Variants in NSMCE1 observed in about 807,000 individuals in gnomAD.
NSMCE1 encodes non-structural maintenance of chromosomes element 1 homolog.
NSMCE1 carries 18 observed loss-of-function variants against 29.6 expected under a neutral mutation model. That is an observed-to-expected ratio of 0.61 (90% confidence interval 0.42 to 0.90). The LOEUF (loss-of-function observed/expected upper bound fraction) is 0.90, where lower values mean the gene tolerates loss of function less well. Among genes scored for constraint, NSMCE1 ranks in the 40% least tolerant of loss-of-function variants. The pLI is 0.00. For synonymous variants in NSMCE1, 124 were observed against 133.4 expected (o/e 0.93, Z 0.49); for missense variants, 314 against 343.6 (o/e 0.91, Z 0.68).
chr16:27,239,986 TCATCATGACAATAACAGTA>T (rs2083874124), intron 2 of NSMCE1, among the ~76,000 whole-genome samples: 1 of 152,212 alleles, frequency 6.6e-6, no homozygotes, highest in South Asian at 2.1e-4. Context: ...ATGGTTCATT[TCATCATGACAATAACAGTA>T]ACTCCGTAAG....
intron 2 of NSMCE1, among the ~76,000 whole-genome samples, chr16:27,240,109 G>C (rs995018468): frequency 2.0e-5 from 3 of 152,092 alleles, no homozygotes; most frequent in African/African-American, 7.2e-5. Context: ...ATGGAGCCCG[G>C]GCTTGCCCAA....
chr16:27,243,505 G>T (rs1322384859), intron 2 of NSMCE1, among the ~76,000 whole-genome samples: 3 of 152,080 alleles, frequency 2.0e-5, no homozygotes, highest in Non-Finnish European at 4.4e-5. Context: ...ACATCAACCT[G>T]CCCAGAAAGC....
At position 27,234,937 on chromosome 16, in the gene NSMCE1, A is replaced by G. The variant is rs533610642; in HGVS notation, c.258+241T>C. Among the ~76,000 whole-genome samples, 286 of 152,344 alleles carry G rather than the reference A, an allele frequency of 1.9e-3. 1 individual carries two copies. Among genetic ancestry groups the G allele is most frequent in the African/African-American group, 5.8e-3 (240 of 41,578 alleles). On this transcript the variant is annotated intron_variant, in intron 3 of 7. Coordinates refer to ENST00000361439, the MANE Select transcript of NSMCE1 (RefSeq NM_145080.4). ...TGAGAGTAAATCTGAAAACCACTGA[A>G]GGCCCCACCCACATGGCCTGCAATC... is the stretch of plus-strand genomic sequence containing the variant.
At chr16:27,252,673 C>T (rs1348934639) in intron 2 of NSMCE1, among the ~76,000 whole-genome samples, 1 of 152,156 alleles carries the variant, frequency 6.6e-6, no homozygotes, top group Admixed American at 6.5e-5. Context: ...AATCCCAGCA[C>T]TTGGGGAGGC....
chr16:27,264,838 G>A (rs1469027233), intron 1 of NSMCE1, among the ~76,000 whole-genome samples: 3 of 152,110 alleles, frequency 2.0e-5, no homozygotes, highest in Non-Finnish European at 4.4e-5. Context: ...GGGGTTAGGG[G>A]ATACAAACTG....
chr16:27,266,051 T>C (rs1387476246), intron 1 of NSMCE1, among the ~76,000 whole-genome samples: 1 of 152,156 alleles, frequency 6.6e-6, no homozygotes, highest in Non-Finnish European at 1.5e-5. Flanking sequence ...TTCCACACAA[T>C]TGTATAGGTA....
At chr16:27,225,577 C>T in intron 7 of NSMCE1, 149 bp downstream of exon 7, 1 of 897,008 alleles carries the variant, frequency 1.1e-6, no homozygotes, top group Non-Finnish European at 1.7e-6. Context: ...TTACTTCCTG[C>T]AGTGGCTTCT....
At chr16:27,244,322 A>G (rs2083928367) in intron 2 of NSMCE1, among the ~76,000 whole-genome samples, 1 of 152,206 alleles carries the variant, frequency 6.6e-6, no homozygotes, top group Admixed American at 6.5e-5. Context: ...AGTCGCTCTG[A>G]CAGGCGCACG....
At chr16:27,236,021 C>T (rs1338261690) in intron 2 of NSMCE1, among the ~76,000 whole-genome samples, 1 of 152,190 alleles carries the variant, frequency 6.6e-6, no homozygotes, top group East Asian at 1.9e-4. Context: ...ACCACAAGGC[C>T]GGGGCTTTGA....
In NSMCE1 at chr16:27,232,643, AG is replaced by A. The variant is rs1359877651; in HGVS notation, c.483+357del. 1.3e-5 allele frequency among the ~76,000 whole-genome samples: 2 copies of A among 152,268 alleles called. No homozygotes were observed. Among genetic ancestry groups the A allele is most frequent in the African/African-American group, 2.4e-5 (1 of 41,476 alleles). On this transcript the variant is annotated intron_variant, in intron 5 of 7. Transcript: ENST00000361439. This position sits in a 1 kb window ranked among gnomAD's most constrained non-coding sequence, Gnocchi z 4.5. ...CAAGGAACATGAGGTCACCTGGCTC[AG>A]GGTTCAGACCCGGGTTAGATGTTAG...
At chr16:27,260,482 AG>A (rs2084142570) in intron 1 of NSMCE1, among the ~76,000 whole-genome samples, 1 of 152,238 alleles carries the variant, frequency 6.6e-6, no homozygotes, top group Non-Finnish European at 1.5e-5. Context: ...GTAAGTCAGG[AG>A]AAATAATCCA....
intron 1 of NSMCE1, among the ~76,000 whole-genome samples, chr16:27,258,758 C>CT (rs1265671017): frequency 1.3e-5 from 2 of 150,006 alleles, no homozygotes; most frequent in East Asian, 1.9e-4. Context: ...TTTTTTTTTT[C>CT]TTTTTTTTCT....
chr16:27,251,191 A>ATATATATATAT (rs1555477411), intron 2 of NSMCE1, among the ~76,000 whole-genome samples: 13 of 32,314 alleles, frequency 4.0e-4, no homozygotes, highest in African/African-American at 7.8e-4. Flanking sequence ...TATATATATA[A>ATATATATATAT]ATATATATAT....
At chr16:27,254,021 T>C (rs1428181470) in intron 2 of NSMCE1, among the ~76,000 whole-genome samples, 1 of 152,214 alleles carries the variant, frequency 6.6e-6, no homozygotes, top group African/African-American at 2.4e-5. Flanking sequence ...CCCTGGGAAA[T>C]GGCAATTAGA....
At chr16:27,261,166 CAAA>C (rs11420728) in intron 1 of NSMCE1, among the ~76,000 whole-genome samples, 2 of 98,102 alleles carry the variant, frequency 2.0e-5, no homozygotes, top group Non-Finnish European at 4.2e-5. Flanking sequence ...GACTCCGTCT[CAAA>C]AAAAAAAAAA....
At chr16:27,247,208 G>A (rs1236773577) in intron 2 of NSMCE1, among the ~76,000 whole-genome samples, 5 of 152,174 alleles carry the variant, frequency 3.3e-5, no homozygotes, top group Admixed American at 2.0e-4. Flanking sequence ...CCTGGTGGGA[G>A]GGAATTGAAT....
chr16:27,252,141 CCT>C (rs1291583936), intron 2 of NSMCE1, among the ~76,000 whole-genome samples: 9 of 152,186 alleles, frequency 5.9e-5, no homozygotes, highest in Non-Finnish European at 1.2e-4. Flanking sequence ...CTTAGAATTC[CCT>C]GAGTCATATA....
chr16:27,228,134 C>T (rs1225534317), intron 5 of NSMCE1, among the ~76,000 whole-genome samples: 2 of 152,140 alleles, frequency 1.3e-5, no homozygotes, highest in African/African-American at 4.8e-5. Flanking sequence ...CCACCTTCAT[C>T]CCCACAGTGC....
At chr16:27,229,187 C>T (rs1054434368) in intron 5 of NSMCE1, among the ~76,000 whole-genome samples, 1 of 152,272 alleles carries the variant, frequency 6.6e-6, no homozygotes, top group Non-Finnish European at 1.5e-5. Context: ...GCCACAGGGC[C>T]ACTGCCGGGC....
Sources: gnomAD v4.1 joint callset for allele counts (sites outside exome capture counted in the v4.1 genomes callset) on GRCh38, gnomAD v4.1.1 for gene constraint, Gnocchi (gnomAD v3.1) non-coding constraint, MANE v1.5 for transcripts, NCBI Gene and HGNC (gene_info 2026-07-23, HGNC 2026-07-21) for gene names.